LPAR1: variants seen among roughly 807,000 people sequenced by gnomAD.
LPAR1 encodes LPA receptor 1.
In LPAR1, 5 loss-of-function variants were observed where a neutral mutation model predicts 23.8. The observed-to-expected ratio is 0.21, with a 90% CI of 0.11 to 0.44. LPAR1 has a LOEUF of 0.44. Ranked by LOEUF, LPAR1 falls within the 20% of genes least tolerant of loss-of-function variation. LPAR1 has a pLI of 0.99. For missense variants in LPAR1, 311 were observed against 482.8 expected, an observed-to-expected ratio of 0.64 and a Z score of 3.33; for synonymous variants, 160 against 164.7, an observed-to-expected ratio of 0.97 and a Z score of 0.22.
chr9:110,923,772 T>C (rs2093806893), intron 5 of LPAR1, among the ~76,000 whole-genome samples: 1 of 152,212 alleles, frequency 6.6e-6, no homozygotes, highest in African/African-American at 2.4e-5. Flanking sequence ...ACTCTGCTGG[T>C]ATGCAGTAGT....
intron 2 of LPAR1, among the ~76,000 whole-genome samples, chr9:110,999,658 T>C (rs1197491337): frequency 6.6e-6 from 1 of 152,140 alleles, no homozygotes; most frequent in East Asian, 1.9e-4. Flanking sequence ...TCTTCTCAAT[T>C]TAGCCTCATA....
chr9:110,942,401 G>A (rs1250883117), intron 4 of LPAR1, among the ~76,000 whole-genome samples: 3 of 152,192 alleles, frequency 2.0e-5, no homozygotes, highest in Non-Finnish European at 4.4e-5. Flanking sequence ...CAAGGTCTCT[G>A]CTTAGTGGTT....
intron 5 of LPAR1, among the ~76,000 whole-genome samples, chr9:110,903,882 C>CAAAAAAAAA (rs61456167): frequency 1.3e-5 from 1 of 77,252 alleles, no homozygotes; most frequent in Non-Finnish European, 2.4e-5. Context: ...AAGTGAATTG[C>CAAAAAAAAA]AAAAAAAAAA....
chr9:110,884,415 TA>T (rs66922546), intron 5 of LPAR1, among the ~76,000 whole-genome samples: 39,305 of 152,114 alleles, frequency 0.26, 6,631 homozygotes, highest in Non-Finnish European at 0.38. Flanking sequence ...AATTTATTTT[TA>T]TTTATAATGT....
intron 5 of LPAR1, among the ~76,000 whole-genome samples, chr9:110,927,814 T>G (rs1473143995): frequency 1.3e-5 from 2 of 152,170 alleles, no homozygotes; most frequent in African/African-American, 2.4e-5. Context: ...ACACAAATCT[T>G]TGACATACAC....
At chr9:110,991,609 GTTGTTGTTGTTGTTT>G (rs2096895981) in intron 2 of LPAR1, among the ~76,000 whole-genome samples, 1 of 150,896 alleles carries the variant, frequency 6.6e-6, no homozygotes, top group African/African-American at 2.5e-5. Context: ...TGTTGTTGTT[GTTGTTGTTGTTGTTT>G]TTTGGGACAG....
intron 2 of LPAR1, among the ~76,000 whole-genome samples, chr9:111,017,587 G>C (rs992890962): frequency 1.3e-5 from 2 of 152,106 alleles, no homozygotes; most frequent in African/African-American, 2.4e-5. Context: ...ACCAGCACAG[G>C]TATAATTACC....
intron 4 of LPAR1, among the ~76,000 whole-genome samples, chr9:110,958,122 C>T (rs972872912): frequency 3.3e-5 from 5 of 152,180 alleles, no homozygotes; most frequent in Non-Finnish European, 5.9e-5. Flanking sequence ...ATAGATCGAA[C>T]GAATTAACGT....
chr9:111,007,909 C>T (rs551713384), intron 2 of LPAR1, among the ~76,000 whole-genome samples: 1 of 152,272 alleles, frequency 6.6e-6, no homozygotes, highest in East Asian at 1.9e-4. Flanking sequence ...CGCGGTGGCT[C>T]ACACCTGTAA....
intron 2 of LPAR1, among the ~76,000 whole-genome samples, chr9:110,977,103 G>A (rs1350254884): frequency 2.0e-5 from 3 of 152,136 alleles, no homozygotes; most frequent in Non-Finnish European, 2.9e-5. Flanking sequence ...ACTAAAACAC[G>A]ATATCCTCTT....
chr9:110,952,409 C>A (rs551157741), intron 4 of LPAR1, among the ~76,000 whole-genome samples: 2 of 152,254 alleles, frequency 1.3e-5, no homozygotes, highest in East Asian at 3.9e-4. Flanking sequence ...ACCCTCTAGT[C>A]CTAAGCAGCT....
At chr9:111,025,241 T>C (rs535355567) in intron 2 of LPAR1, among the ~76,000 whole-genome samples, 86 of 152,330 alleles carry the variant, frequency 5.6e-4, no homozygotes, top group Non-Finnish European at 1.1e-3. Context: ...TGATTGCCAT[T>C]CTAACTGGTG....
chr9:110,957,195 C>T (rs2095788071), intron 4 of LPAR1, among the ~76,000 whole-genome samples: 1 of 145,346 alleles, frequency 6.9e-6, no homozygotes, highest in Admixed American at 7.1e-5. Context: ...AAGTGAGATG[C>T]CATCTCTACA....
At position 110,898,334 on chromosome 9, in the gene LPAR1, C is replaced by T. The variant is rs115483981; in HGVS notation, c.794-22612G>A. 5.5e-3 allele frequency among the ~76,000 whole-genome samples: 843 copies of T among 152,284 alleles called. 5 individuals are homozygous for T. Among genetic ancestry groups the T allele is most frequent in the African/African-American group, 0.019 (784 of 41,554 alleles). ...ATCAGAGAATTAATATAACTTGGCACTTTTATTCATCTACATATGAAGTAA... is the reference window on the plus strand; with the variant it reads ...ATCAGAGAATTAATATAACTTGGCATTTTTATTCATCTACATATGAAGTAA... On this transcript the variant is annotated intron_variant, in intron 5 of 5. Coordinates refer to ENST00000683809, the MANE Select transcript of LPAR1 (RefSeq NM_001351411.2).
intron 5 of LPAR1, among the ~76,000 whole-genome samples, chr9:110,907,239 A>T (rs1332398583): frequency 6.6e-6 from 1 of 152,182 alleles, no homozygotes; most frequent in African/African-American, 2.4e-5. Flanking sequence ...AGAGAGGAAC[A>T]GAGAGAAACT....
chr9:111,037,255 C>A (rs1026347011), intron 1 of LPAR1, among the ~76,000 whole-genome samples: 3 of 152,166 alleles, frequency 2.0e-5, no homozygotes, highest in African/African-American at 7.2e-5. Context: ...CAATATCTAT[C>A]TAACCCCATA....
intron 2 of LPAR1, among the ~76,000 whole-genome samples, chr9:111,018,846 C>G (rs1469943587): frequency 2.0e-5 from 3 of 152,014 alleles, no homozygotes; most frequent in Non-Finnish European, 1.5e-5. Context: ...TTTAAAACAG[C>G]AAGTACAAAG....
intron 5 of LPAR1, among the ~76,000 whole-genome samples, chr9:110,905,651 C>G (rs937904248): frequency 2.6e-5 from 4 of 152,134 alleles, no homozygotes. Flanking sequence ...CGGCACCCAG[C>G]CTGCTATGTT....
intron 2 of LPAR1, among the ~76,000 whole-genome samples, chr9:110,980,266 A>G (rs552935002): frequency 2.6e-5 from 4 of 152,234 alleles, no homozygotes; most frequent in African/African-American, 9.6e-5. Flanking sequence ...TTCAAAACAT[A>G]TCATTCACAA....
Sources: gnomAD v4.1 joint callset for allele counts (sites outside exome capture counted in the v4.1 genomes callset) on GRCh38, gnomAD v4.1.1 for gene constraint, MANE v1.5 for transcripts, NCBI Gene and HGNC (gene_info 2026-07-23, HGNC 2026-07-21) for gene names.